The following FTCDNL1 variants were observed in gnomAD, a reference collection of about 807,000 sequenced individuals.
FTCDNL1 encodes formiminotransferase N-terminal subdomain-containing protein.
FTCDNL1 carries 11 observed loss-of-function variants against 5.9 expected under a neutral mutation model. The observed-to-expected ratio is 1.87, with a 90% confidence interval of 1.18 to 3.10. FTCDNL1 has a LOEUF of 3.10. Among genes scored for constraint, FTCDNL1 ranks in the 30% most tolerant of loss-of-function variants. The pLI is 0.00. For synonymous variants in FTCDNL1, 58 were observed against 24.8 expected (o/e 2.34, Z -3.99); for missense variants, 115 against 65.5 (o/e 1.76, Z -2.61).
chr2:199,736,739 C>T, the FTCDNL1 span, among the ~76,000 whole-genome samples: 2 of 152,224 alleles, frequency 1.3e-5, no homozygotes, highest in Admixed American at 1.3e-4. Context: ...GTAGTGATAT[C>T]ACTTCAATCT....
At chr2:199,837,040 C>T (rs943484459) in intron 3 of FTCDNL1, among the ~76,000 whole-genome samples, 2 of 152,160 alleles carry the variant, frequency 1.3e-5, no homozygotes, top group African/African-American at 2.4e-5. Context: ...TGGGTTCATC[C>T]ATAACTGCTG....
chr2:199,678,563 T>C, the FTCDNL1 span, among the ~76,000 whole-genome samples: 2 of 152,074 alleles, frequency 1.3e-5, no homozygotes, highest in Admixed American at 6.6e-5. Flanking sequence ...TGTAAGATAA[T>C]CTATTAATTT....
chr2:199,829,922 A>G (rs1268185741), intron 3 of FTCDNL1, among the ~76,000 whole-genome samples: 3 of 152,286 alleles, frequency 2.0e-5, no homozygotes, highest in South Asian at 2.1e-4. Context: ...TGCATGGTTC[A>G]TTATTATTCT....
chr2:199,664,921 T>A, the FTCDNL1 span, among the ~76,000 whole-genome samples: 1 of 152,214 alleles, frequency 6.6e-6, no homozygotes, highest in Non-Finnish European at 1.5e-5. Context: ...TAGGAATCAA[T>A]GGCCCAATTC....
intron 3 of FTCDNL1, among the ~76,000 whole-genome samples, chr2:199,831,777 G>C (rs781730055): frequency 2.6e-5 from 4 of 152,254 alleles, no homozygotes; most frequent in Admixed American, 6.5e-5. Context: ...TTTTGAAACA[G>C]AGAATTAATT....
the FTCDNL1 span, among the ~76,000 whole-genome samples, chr2:199,728,555 A>C: frequency 1.3e-5 from 2 of 152,166 alleles, no homozygotes; most frequent in African/African-American, 4.8e-5. Context: ...GCCTGGTAAC[A>C]ATGTTTCTAA....
chr2:199,725,373 T>C, the FTCDNL1 span, among the ~76,000 whole-genome samples: 1 of 152,236 alleles, frequency 6.6e-6, no homozygotes. Context: ...TTGGGACATT[T>C]AGCTCATTTA....
intron 3 of FTCDNL1, among the ~76,000 whole-genome samples, chr2:199,798,658 T>C (rs912481464): frequency 2.6e-5 from 4 of 152,178 alleles, no homozygotes; most frequent in African/African-American, 7.2e-5. Context: ...AGAAGGGCCC[T>C]GAGGTTGACT....
chr2:199,765,983 C>T (rs887028828), intron 3 of FTCDNL1, among the ~76,000 whole-genome samples: 17 of 152,154 alleles, frequency 1.1e-4, no homozygotes, highest in African/African-American at 3.9e-4. Flanking sequence ...CACATAGGCA[C>T]ACCTCACTCT....
intron 3 of FTCDNL1, among the ~76,000 whole-genome samples, chr2:199,824,131 TTAG>T (rs989874153): frequency 1.2e-4 from 19 of 152,352 alleles, no homozygotes; most frequent in African/African-American, 4.6e-4. Context: ...ATCCTTGCTC[TTAG>T]CTAGAGATGC....
the FTCDNL1 span, among the ~76,000 whole-genome samples, chr2:199,685,911 T>C: frequency 6.6e-6 from 1 of 152,238 alleles, no homozygotes; most frequent in African/African-American, 2.4e-5. Flanking sequence ...TAGAAAGCCT[T>C]AGACTTCTGT....
chr2:199,694,358 A>G, the FTCDNL1 span, among the ~76,000 whole-genome samples: 25 of 152,200 alleles, frequency 1.6e-4, no homozygotes, highest in Non-Finnish European at 7.3e-5. Flanking sequence ...TGCTCCAGTT[A>G]TTAGCTACAA....
intron 3 of FTCDNL1, among the ~76,000 whole-genome samples, chr2:199,769,014 G>C (rs1698676207): frequency 6.6e-6 from 1 of 152,062 alleles, no homozygotes; most frequent in Non-Finnish European, 1.5e-5. Context: ...GCAATCAAGG[G>C]GACACTGCTC....
At chr2:199,728,375 T>G in the FTCDNL1 span, among the ~76,000 whole-genome samples, 1 of 151,990 alleles carries the variant, frequency 6.6e-6, no homozygotes, top group African/African-American at 2.4e-5. Context: ...GCCACCTGAG[T>G]AGCTGGGACT....
At chr2:199,791,467 G>A (rs866919905) in intron 3 of FTCDNL1, among the ~76,000 whole-genome samples, 2 of 152,042 alleles carry the variant, frequency 1.3e-5, no homozygotes, top group Admixed American at 1.3e-4. Flanking sequence ...TAAAAAGCAC[G>A]CAACTGAATT....
chr2:199,768,256 T>C (rs562309910), intron 3 of FTCDNL1, among the ~76,000 whole-genome samples: 1 of 152,264 alleles, frequency 6.6e-6, no homozygotes, highest in South Asian at 2.1e-4. Flanking sequence ...TGGGTTCTTA[T>C]ATTTGCATGC....
chr2:199,765,556 A>ATATATATATTTTTTTTTTTTTTTTTTTT, intron 3 of FTCDNL1, among the ~76,000 whole-genome samples: 4 of 42,664 alleles, frequency 9.4e-5, no homozygotes, highest in Middle Eastern at 0.022. Flanking sequence ...ATATATATAT[A>ATATATATATTTTTTTTTTTTTTTTTTTT]TTTTTTTTTT....
chr2:199,788,712 C>T (rs1699778155), intron 3 of FTCDNL1, among the ~76,000 whole-genome samples: 1 of 151,206 alleles, frequency 6.6e-6, no homozygotes, highest in African/African-American at 2.4e-5. Context: ...AAATAGACCC[C>T]CAAGTCTGAA....
At position 199,797,898 on chromosome 2, in the gene FTCDNL1, TA is replaced by T. The variant is rs1397028802; in HGVS notation, c.212-37064del. Among the ~76,000 whole-genome samples, 4 of 152,198 alleles carry T rather than the reference TA, an allele frequency of 2.6e-5. No individual in the cohort carries two copies. In the East Asian group the frequency reaches 7.7e-4, roughly 29 times the overall value. ...GTTTACAAGTAGATCATGGGGCATT[TA>T]AAAGACAGCCTGAATTTAAGAGTAA... On this transcript the variant is annotated intron_variant, in intron 3 of 3. Transcript: ENST00000416668.
Sources: gnomAD v4.1 joint callset for allele counts (sites outside exome capture counted in the v4.1 genomes callset) on GRCh38, gnomAD v4.1.1 for gene constraint, MANE v1.5 for transcripts, NCBI Gene and HGNC (gene_info 2026-07-23, HGNC 2026-07-21) for gene names.